The following ZDHHC15 variants were observed in gnomAD, a reference collection of about 807,000 sequenced individuals.
ZDHHC15 encodes the protein zDHHC palmitoyltransferase 15.
Under a neutral mutation model 31.7 loss-of-function variants are expected in ZDHHC15, and 19 were observed. The observed-to-expected ratio is 0.60, with a 90% confidence interval of 0.42 to 0.88. The LOEUF is 0.88. Ranked by LOEUF, ZDHHC15 falls within the 40% of genes least tolerant of loss-of-function variation. The probability of loss-of-function intolerance (pLI) is 0.00; values close to 1 mark genes in which losing one functional copy is unlikely to be tolerated. For missense variants in ZDHHC15, 209 were observed against 251.2 expected (o/e 0.83, Z 1.14); for synonymous variants, 103 against 90.0 (o/e 1.14, Z -0.82).
At chrX:75,514,610 A>G in intron 1 of ZDHHC15, among the ~76,000 whole-genome samples, 1 of 112,012 alleles carries the variant, frequency 8.9e-6, no homozygotes, top group Admixed American at 9.5e-5. Flanking sequence ...CAGGAAGCAC[A>G]AGGGGTCTGG....
At chrX:75,418,807 C>A (rs958284813) in intron 9 of ZDHHC15, among the ~76,000 whole-genome samples, 10 of 111,979 alleles carry the variant, frequency 8.9e-5, no homozygotes, top group African/African-American at 2.9e-4. Flanking sequence ...AAAATTAACT[C>A]AAGATGGATT....
chrX:75,494,100 T>G (rs2084947688), intron 2 of ZDHHC15, among the ~76,000 whole-genome samples: 1 of 111,485 alleles, frequency 9.0e-6, no homozygotes, highest in Admixed American at 9.6e-5. Flanking sequence ...GGATACAAAA[T>G]CAATGTACAA....
chrX:75,443,372 A>G (rs941748278), intron 4 of ZDHHC15, among the ~76,000 whole-genome samples: 1 of 111,982 alleles, frequency 8.9e-6, no homozygotes, highest in African/African-American at 3.3e-5. Context: ...TGGGGAAAGC[A>G]TTCCCTATTT....
chrX:75,495,481 C>T (rs767178256), intron 2 of ZDHHC15, among the ~76,000 whole-genome samples: 139 of 110,690 alleles, frequency 1.3e-3, no homozygotes, highest in African/African-American at 4.1e-3. Context: ...CACATGCACA[C>T]GTATGTTTAT....
chrX:75,433,968 A>G (rs1388416724), intron 4 of ZDHHC15, among the ~76,000 whole-genome samples: 1 of 110,881 alleles, frequency 9.0e-6, no homozygotes, highest in Admixed American at 9.6e-5. Context: ...AGGAGTGTAA[A>G]AGCGTTCCCT....
chrX:75,421,840 C>A lies in ZDHHC15; in HGVS notation c.863+24G>T, dbSNP rs760673466. 5 of 1,205,259 alleles carry A rather than the reference C, an allele frequency of 4.1e-6. No homozygotes were observed. In the Admixed American group the frequency reaches 1.1e-4, roughly 27 times the overall value. On this transcript the variant is annotated intron_variant, in intron 9 of 11. Transcript: ENST00000373367. Reference sequence around the variant, plus strand: ...TCAAGGCAGGGTCCAGTACTAACTTCTTCCAGTGGTAATATTTACTCACCT... The same window carrying A: ...TCAAGGCAGGGTCCAGTACTAACTTATTCCAGTGGTAATATTTACTCACCT...
chrX:75,454,145 G>A lies in ZDHHC15; in HGVS notation c.259-3223C>T, dbSNP rs183521942. 6.0e-3 allele frequency among the ~76,000 whole-genome samples: 671 copies of A among 111,669 alleles called. 8 individuals are homozygous for A. The highest frequency in any genetic ancestry group is 4.6e-3 in the Non-Finnish European group (246 of 53,088). On this transcript the variant is annotated intron_variant, in intron 3 of 11. Coordinates refer to ENST00000373367, the MANE Select transcript of ZDHHC15 (RefSeq NM_144969.3). ...GATTGTATATTTAGAAAACCCCATCGTCTCAGCCCAAAATCTCCTTAAGCT... is the reference window on the plus strand; with the variant it reads ...GATTGTATATTTAGAAAACCCCATCATCTCAGCCCAAAATCTCCTTAAGCT...
chrX:75,419,606 C>T (rs1306477884), intron 9 of ZDHHC15, among the ~76,000 whole-genome samples: 1 of 110,759 alleles, frequency 9.0e-6, no homozygotes, highest in Non-Finnish European at 1.9e-5. Flanking sequence ...TGGGTATGTA[C>T]CCAAGGGATT....
chrX:75,387,670 C>A (rs1157369159), intron 10 of ZDHHC15, among the ~76,000 whole-genome samples: 1 of 111,639 alleles, frequency 9.0e-6, no homozygotes, highest in Non-Finnish European at 1.9e-5. Context: ...AAAACTGCCT[C>A]AAAACATCAA....
intron 10 of ZDHHC15, among the ~76,000 whole-genome samples, chrX:75,411,952 C>A (rs2083489807): frequency 8.9e-6 from 1 of 111,775 alleles, no homozygotes; most frequent in African/African-American, 3.3e-5. Flanking sequence ...ACAGATTAAA[C>A]AACGGGTGAA....
At chrX:75,514,204 A>G (rs1261032626) in intron 1 of ZDHHC15, among the ~76,000 whole-genome samples, 1 of 112,882 alleles carries the variant, frequency 8.9e-6, no homozygotes. Context: ...CTATACAGGT[A>G]GCTACAAAAG....
intron 2 of ZDHHC15, among the ~76,000 whole-genome samples, chrX:75,486,166 G>C (rs2084774738): frequency 8.9e-6 from 1 of 112,314 alleles, no homozygotes; most frequent in South Asian, 3.7e-4. Flanking sequence ...ATCCCCACTG[G>C]GAAACCTGAA....
intron 10 of ZDHHC15, among the ~76,000 whole-genome samples, chrX:75,387,482 A>G (rs2083192172): frequency 8.9e-6 from 1 of 112,207 alleles, no homozygotes. Flanking sequence ...TTAAATAGAA[A>G]AAATCAGACA....
At chrX:75,437,393 G>A (rs1401743743) in intron 4 of ZDHHC15, among the ~76,000 whole-genome samples, 1 of 91,344 alleles carries the variant, frequency 1.1e-5, no homozygotes, top group African/African-American at 4.1e-5. Context: ...CCACTAACTC[G>A]TCATCTAGCA....
intron 11 of ZDHHC15, among the ~76,000 whole-genome samples, chrX:75,374,658 A>AGTGTGTGTGTGT (rs760934695): frequency 4.0e-5 from 4 of 100,022 alleles, no homozygotes; most frequent in African/African-American, 1.1e-4. Context: ...AGTAAATTTT[A>AGTGTGTGTGTGT]GTGTGTGTGT....
chrX:75,398,448 T>G (rs1386427935), intron 10 of ZDHHC15, among the ~76,000 whole-genome samples: 1 of 112,323 alleles, frequency 8.9e-6, no homozygotes, highest in Non-Finnish European at 1.9e-5. Context: ...AGATCTGAAT[T>G]CCCCCTCAAA....
chrX:75,403,276 C>T (rs1344505544), intron 10 of ZDHHC15, among the ~76,000 whole-genome samples: 1 of 111,507 alleles, frequency 9.0e-6, no homozygotes, highest in Non-Finnish European at 1.9e-5. Flanking sequence ...CAACATTATA[C>T]TGAATGGGCC....
chrX:75,477,709 A>G (rs904592348), intron 3 of ZDHHC15, among the ~76,000 whole-genome samples: 1 of 111,936 alleles, frequency 8.9e-6, no homozygotes, highest in Admixed American at 9.5e-5. Flanking sequence ...TACTAGTGAT[A>G]TCTTTTTCTA....
chrX:75,414,866 A>G (rs1298120332), intron 10 of ZDHHC15, among the ~76,000 whole-genome samples: 10 of 106,932 alleles, frequency 9.4e-5, no homozygotes, highest in Admixed American at 9.0e-4. Context: ...CCTGGGTTCA[A>G]GTGATTCTCC....
Sources: gnomAD v4.1 joint callset for allele counts (sites outside exome capture counted in the v4.1 genomes callset) on GRCh38, gnomAD v4.1.1 for gene constraint, MANE v1.5 for transcripts, NCBI Gene and HGNC (gene_info 2026-07-23, HGNC 2026-07-21) for gene names.